The following PSMB2 variants were observed in gnomAD, a reference collection of about 807,000 sequenced individuals.
PSMB2 encodes the protein proteasome 20S subunit beta 2.
Under a neutral mutation model 25.7 loss-of-function variants are expected in PSMB2, and 13 were observed. The observed-to-expected ratio is 0.51, with a 90% CI of 0.33 to 0.80. The LOEUF (loss-of-function observed/expected upper bound fraction) is 0.80. Ranked by LOEUF, PSMB2 falls within the 30% of genes least tolerant of loss-of-function variation. PSMB2 has a pLI of 0.02. For synonymous variants in PSMB2, 87 were observed against 96.2 expected, an observed-to-expected ratio of 0.90 and a Z score of 0.56; for missense variants, 202 against 259.0, an observed-to-expected ratio of 0.78 and a Z score of 1.51.
intron 2 of PSMB2, among the ~76,000 whole-genome samples, chr1:35,632,685 G>A (rs891006342): frequency 6.6e-6 from 1 of 152,070 alleles, no homozygotes; most frequent in African/African-American, 2.4e-5. Flanking sequence ...CTCGAGCCCA[G>A]GAGTTTAAGA....
At chr1:35,634,233 A>G (rs556581498) in intron 2 of PSMB2, among the ~76,000 whole-genome samples, 4 of 152,220 alleles carry the variant, frequency 2.6e-5, no homozygotes, top group Non-Finnish European at 5.9e-5. Context: ...GGTTTACAAA[A>G]TATTTTCATA....
intron 3 of PSMB2, among the ~76,000 whole-genome samples, chr1:35,630,305 G>A (rs75104729): frequency 0.015 from 2,293 of 152,074 alleles, 63 homozygotes; most frequent in African/African-American, 0.051. Context: ...AAAACTAAAC[G>A]TACTCTTACT....
intron 3 of PSMB2, among the ~76,000 whole-genome samples, chr1:35,627,766 C>T (rs1482208712): frequency 6.6e-6 from 1 of 152,172 alleles, no homozygotes; most frequent in African/African-American, 2.4e-5. Context: ...GCTAGTAAGT[C>T]AGTAAGCAAA....
chr1:35,622,811 A>T (rs909219612), intron 3 of PSMB2, among the ~76,000 whole-genome samples: 12 of 124,206 alleles, frequency 9.7e-5, no homozygotes, highest in South Asian at 7.5e-4. Context: ...CAGCACATTT[A>T]AAAAAAAAAA....
chr1:35,609,818 T>C (rs984889813), intron 3 of PSMB2, among the ~76,000 whole-genome samples: 1 of 152,286 alleles, frequency 6.6e-6, no homozygotes, highest in African/African-American at 2.4e-5. Context: ...GGAGAAATGA[T>C]TGAGGTGAGA....
Position 35,629,419 on chromosome 1 carries a change from C to G in PSMB2, c.285+1855G>C, listed in dbSNP as rs372302888. Among the ~76,000 whole-genome samples the G allele has an allele frequency of 2.0e-5, 3 of 152,016 alleles. No individual in the cohort carries two copies. The East Asian group carries it at 5.8e-4, about 29-fold the overall frequency. On this transcript the variant is annotated intron_variant, in intron 3 of 5. Coordinates refer to ENST00000373237, the MANE Select transcript of PSMB2 (RefSeq NM_002794.5). ...AGTGTTGCATCTTTTAACATGCTGT[C>G]GATGAAATGGAGACAGCTCTAGAAT...
chr1:35,621,872 T>C (rs1304539071), intron 3 of PSMB2, among the ~76,000 whole-genome samples: 1 of 152,136 alleles, frequency 6.6e-6, no homozygotes, highest in Non-Finnish European at 1.5e-5. Flanking sequence ...GGCATGTGCC[T>C]GTAGGCCCAG....
At chr1:35,629,114 G>A (rs902848163) in intron 3 of PSMB2, among the ~76,000 whole-genome samples, 1 of 152,094 alleles carries the variant, frequency 6.6e-6, no homozygotes, top group African/African-American at 2.4e-5. Flanking sequence ...TTTCTCAGTG[G>A]AATAGTGAGT....
Position 35,600,609 on chromosome 1 carries a change from A to G in PSMB2, c.*2658T>C. 1 of 985,392 alleles carries G rather than the reference A, an allele frequency of 1.0e-6. No homozygotes were observed. Among genetic ancestry groups the G allele is most frequent in the Non-Finnish European group, 1.2e-6 (1 of 829,916 alleles). The allele number at this position is 985,392 out of a possible 1,614,324, so 61.0% of individuals were successfully genotyped here. A position where few individuals can be genotyped will look rare whatever the true frequency, so the allele number is the denominator to read the frequency against. On this transcript the variant is annotated 3_prime_UTR_variant, in exon 6 of 6. Transcript: ENST00000373237. The stretch of plus-strand genomic sequence containing the variant: ...AGAATGTCATAGAGGCGGTTTGGAG[A>G]GGGGCAGATGGTAAGGCTCAGCTTT...
intron 3 of PSMB2, among the ~76,000 whole-genome samples, chr1:35,610,282 A>C (rs1016386501): frequency 2.6e-5 from 4 of 152,068 alleles, no homozygotes; most frequent in African/African-American, 9.7e-5. Flanking sequence ...CTACAAAAAA[A>C]CTAAAAAATT....
chr1:35,613,232 A>G (rs1164179393), intron 3 of PSMB2, among the ~76,000 whole-genome samples: 1 of 152,214 alleles, frequency 6.6e-6, no homozygotes, highest in Admixed American at 6.5e-5. Flanking sequence ...TCTTCTGACA[A>G]TGCTCCACCA....
chr1:35,601,968 A>G lies in PSMB2; in HGVS notation c.*1299T>C. The G allele has an allele frequency of 2.2e-6, 2 of 913,108 alleles. No homozygotes were observed. Among genetic ancestry groups the G allele is most frequent in the Non-Finnish European group, 2.6e-6 (2 of 764,262 alleles). 56.6% of individuals were successfully genotyped at this position (913,108 alleles called of 1,614,324 possible). On this transcript the variant is annotated 3_prime_UTR_variant, in exon 6 of 6. Transcript: ENST00000373237. Reference sequence around the variant, plus strand: ...TATGCAACTGTCAACAAGAATAAGCATATCTATATGTATTGATATAAAACA... The same window carrying G: ...TATGCAACTGTCAACAAGAATAAGCGTATCTATATGTATTGATATAAAACA...
rs985553829 is a variant in PSMB2 at position 35,601,326 on chromosome 1, G to A, written c.*1941C>T. 5.4e-5 allele frequency: 52 copies of A among 960,758 alleles called. No individual in the cohort carries two copies. The African/African-American group carries it at 7.3e-4, about 13-fold the overall frequency. 59.5% of individuals were successfully genotyped at this position (960,758 alleles called of 1,614,324 possible). ...CCTCAGGTGATCCGCCCGCCTCGGC[G>A]GGCGGCCAAAGTGCTGGGATTACAG... On this transcript the variant is annotated 3_prime_UTR_variant, in exon 6 of 6. Transcript: ENST00000373237.
chr1:35,606,281 T>A (rs996158465), intron 4 of PSMB2, among the ~76,000 whole-genome samples: 1 of 152,186 alleles, frequency 6.6e-6, no homozygotes, highest in African/African-American at 2.4e-5. Flanking sequence ...GCAGATGACA[T>A]GATCTTCTAT....
At chr1:35,628,589 AAAAAAAAAT>A (rs1161371228) in intron 3 of PSMB2, among the ~76,000 whole-genome samples, 641 of 21,308 alleles carry the variant, frequency 0.03, 25 homozygotes, top group African/African-American at 0.1. Flanking sequence ...AAAAAAAAAA[AAAAAAAAAT>A]ATATATATAT....
chr1:35,637,837 GT>G (rs1651288420), intron 1 of PSMB2, among the ~76,000 whole-genome samples: 1 of 152,122 alleles, frequency 6.6e-6, no homozygotes, highest in African/African-American at 2.4e-5. Flanking sequence ...TTGCAAACTT[GT>G]TAATAAACGA....
chr1:35,639,032 T>C (rs1410614134), intron 1 of PSMB2, among the ~76,000 whole-genome samples: 1 of 146,494 alleles, frequency 6.8e-6, no homozygotes, highest in Non-Finnish European at 1.5e-5. Context: ...GGCAGGTGGA[T>C]CACCTGAGGT....
rs1439800000 is a variant in PSMB2 at position 35,631,133 on chromosome 1, A to C, written c.285+141T>G. On this transcript the variant is annotated intron_variant, in intron 3 of 5. Transcript: ENST00000373237. Reference sequence around the variant, plus strand: ...TAACAACTGTGCACAAAGACATTGGACTTAAGAATGAACAAGTAGCAACAG... The same window carrying C: ...TAACAACTGTGCACAAAGACATTGGCCTTAAGAATGAACAAGTAGCAACAG... The C allele has an allele frequency of 5.5e-6, 4 of 723,220 alleles. 1 individual carries two copies. The Admixed American group carries it at 9.8e-5, about 18-fold the overall frequency. The allele number at this position is 723,220 out of a possible 1,614,324, so 44.8% of individuals were successfully genotyped here. A position where few individuals can be genotyped will look rare whatever the true frequency, so the allele number is the denominator to read the frequency against.
At position 35,600,750 on chromosome 1, in the gene PSMB2, G is replaced by A; in HGVS notation, c.*2517C>T. On this transcript the variant is annotated 3_prime_UTR_variant, in exon 6 of 6. Coordinates refer to ENST00000373237, the MANE Select transcript of PSMB2 (RefSeq NM_002794.5). ...AAAAAAACACTGAGAGTCAGGATGG[G>A]TTTGCAGGCTTGCCTGAGATTGCCC... 1 of 985,438 alleles carries A rather than the reference G, an allele frequency of 1.0e-6. No individual in the cohort carries two copies. The highest frequency in any genetic ancestry group is 1.2e-6 in the Non-Finnish European group (1 of 829,940). 61.0% of individuals were successfully genotyped at this position (985,438 alleles called of 1,614,324 possible).
Sources: allele counts gnomAD v4.1 joint callset (sites outside exome capture counted in the v4.1 genomes callset), GRCh38; gene constraint gnomAD v4.1.1; transcripts MANE v1.5; gene names NCBI Gene and HGNC (gene_info 2026-07-23, HGNC 2026-07-21).